BBX: variants seen among roughly 807,000 people sequenced by gnomAD.
BBX encodes HMG box transcription factor BBX.
BBX carries 30 observed loss-of-function variants against 100.2 expected under a neutral mutation model. That is an observed-to-expected ratio of 0.30 (90% CI 0.22 to 0.41). The LOEUF is 0.41. Among genes scored for constraint, BBX ranks in the 10% least tolerant of loss-of-function variants. The pLI is 1.00. For synonymous variants in BBX, 376 were observed against 388.1 expected, an observed-to-expected ratio of 0.97 and a Z score of 0.37; for missense variants, 1,023 against 1,129.8, an observed-to-expected ratio of 0.91 and a Z score of 1.35.
chr3:107,733,058 TAC>T (rs1281372621), intron 7 of BBX, 35 bp downstream of exon 7: 1 of 1,589,470 alleles, frequency 6.3e-7, no homozygotes, highest in Non-Finnish European at 8.6e-7. Context: ...ACTCTGCTCA[TAC>T]TGTGGGTTGG....
At chr3:107,542,357 T>C (rs557243490) in intron 2 of BBX, among the ~76,000 whole-genome samples, 1 of 152,340 alleles carries the variant, frequency 6.6e-6, no homozygotes, top group South Asian at 2.1e-4. Flanking sequence ...TTTCATAATT[T>C]GTATTTGAGT....
At chr3:107,663,966 C>T (rs1255602834) in intron 3 of BBX, among the ~76,000 whole-genome samples, 5 of 151,930 alleles carry the variant, frequency 3.3e-5, no homozygotes, top group African/African-American at 1.2e-4. Flanking sequence ...CCACTGTGCC[C>T]AGCTAATTTT....
At chr3:107,800,769 A>G (rs1335717958) in intron 16 of BBX, among the ~76,000 whole-genome samples, 3 of 152,222 alleles carry the variant, frequency 2.0e-5, no homozygotes, top group African/African-American at 4.8e-5. Context: ...GCCCCTCTAC[A>G]GAAGTCCCTT....
At chr3:107,746,463 T>G (rs903522255) in intron 8 of BBX, among the ~76,000 whole-genome samples, 2 of 152,208 alleles carry the variant, frequency 1.3e-5, no homozygotes, top group African/African-American at 4.8e-5. Flanking sequence ...ATGGTTTATT[T>G]CTACCTAGTT....
intron 3 of BBX, among the ~76,000 whole-genome samples, chr3:107,699,181 G>A (rs1241576200): frequency 6.6e-6 from 1 of 151,776 alleles, no homozygotes; most frequent in Non-Finnish European, 1.5e-5. Context: ...GTAGGGTGCT[G>A]TGGAGACACC....
intron 3 of BBX, among the ~76,000 whole-genome samples, chr3:107,672,880 T>A (rs984671239): frequency 7.9e-5 from 12 of 152,038 alleles, no homozygotes; most frequent in Admixed American, 3.3e-4. Context: ...TAAATAAACT[T>A]TTGTTGGCTT....
rs751773383 is a variant in BBX at position 107,801,242 on chromosome 3, C to T, written c.2699C>T (p.Ala900Val). ...MPAVSAFFSLAALAEVAAMEN... is the reference protein window; with the variant it reads ...MPAVSAFFSLVALAEVAAMEN... ...GCCGTGTCTGCGTTCTTTAGCCTCGCTGCGCTGGCTGAAGTGGCAGCCATG... is the reference window on the plus strand; with the variant it reads ...GCCGTGTCTGCGTTCTTTAGCCTCGTTGCGCTGGCTGAAGTGGCAGCCATG... The change falls in exon 17 of 18, where the codon GCT (alanine) becomes GTT (valine). Residue 900 changes from alanine to valine, a missense_variant. By Grantham distance (64) the Ala-to-Val change is moderately conservative (BLOSUM62 0). Around this residue, in one of 9 missense-constraint regions of BBX, gnomAD observed 104 missense variants for 132.2 expected, o/e 0.79. Transcript: ENST00000325805. 1 of 1,614,170 alleles carries T rather than the reference C, an allele frequency of 6.2e-7. No homozygotes were observed. Among genetic ancestry groups the T allele is most frequent in the Non-Finnish European group, 8.5e-7 (1 of 1,180,026 alleles).
At chr3:107,707,738 A>G (rs1425719407) in intron 3 of BBX, among the ~76,000 whole-genome samples, 6 of 152,220 alleles carry the variant, frequency 3.9e-5, no homozygotes, top group Non-Finnish European at 8.8e-5. Flanking sequence ...TTGAACCCAG[A>G]AAGAAGCCAC....
intron 2 of BBX, among the ~76,000 whole-genome samples, chr3:107,596,313 G>A: frequency 6.6e-6 from 1 of 152,140 alleles, no homozygotes; most frequent in Non-Finnish European, 1.5e-5. Context: ...AGTGATAGGA[G>A]GAGCCTGACC....
chr3:107,716,829 T>C lies in BBX; in HGVS notation c.385T>C (p.Tyr129His). The change falls in exon 5 of 18, where the codon TAC (tyrosine) becomes CAC (histidine). Residue 129 changes from tyrosine to histidine, a missense_variant. Tyr to His is a moderately conservative substitution (Grantham distance 83). Transcript: ENST00000325805. ...TCTTGATCCAAAGGAAAAGCAGAAA[T>C]ACACAGACATGGCCAAGGAGGTAGG... ...AVLDPKEKQK[Y>H]TDMAKEYKDA... 6.2e-7 allele frequency: 1 copy of C among 1,613,464 alleles called. No individual in the cohort carries two copies. The highest frequency in any genetic ancestry group is 1.1e-5 in the South Asian group (1 of 91,056).
At chr3:107,698,145 A>T (rs1443157987) in intron 3 of BBX, among the ~76,000 whole-genome samples, 1 of 151,838 alleles carries the variant, frequency 6.6e-6, no homozygotes. Flanking sequence ...AAATGCAGAA[A>T]TCACCCGTCT....
chr3:107,725,508 C>A (rs965935741), intron 5 of BBX, among the ~76,000 whole-genome samples: 1 of 152,062 alleles, frequency 6.6e-6, no homozygotes, highest in African/African-American at 2.4e-5. Context: ...GGAATGCTTC[C>A]AGTTTTTTGT....
intron 3 of BBX, among the ~76,000 whole-genome samples, chr3:107,682,357 C>A (rs1204388534): frequency 1.3e-5 from 2 of 152,098 alleles, no homozygotes; most frequent in African/African-American, 4.8e-5. Context: ...AGAATTTGTT[C>A]TTTGTAGTAG....
chr3:107,699,826 C>T (rs989678737), intron 3 of BBX, among the ~76,000 whole-genome samples: 4 of 151,984 alleles, frequency 2.6e-5, no homozygotes, highest in East Asian at 1.9e-4. Context: ...GATATTTTCT[C>T]GAGAGGATAG....
chr3:107,803,937 A>C (rs1576899498), intron 17 of BBX, among the ~76,000 whole-genome samples: 1 of 117,228 alleles, frequency 8.5e-6, no homozygotes, highest in African/African-American at 3.2e-5. Context: ...TTTACATTGC[A>C]CTTTTCATCT....
At chr3:107,630,805 C>G (rs1243075128) in intron 2 of BBX, among the ~76,000 whole-genome samples, 1 of 152,062 alleles carries the variant, frequency 6.6e-6, no homozygotes, top group African/African-American at 2.4e-5. Context: ...AGGTTTAGAC[C>G]AACTCCTAGA....
intron 3 of BBX, among the ~76,000 whole-genome samples, chr3:107,703,130 A>C (rs1020443183): frequency 6.6e-6 from 1 of 152,242 alleles, no homozygotes; most frequent in African/African-American, 2.4e-5. Flanking sequence ...TAATAAGTGC[A>C]TATAATAAAA....
intron 2 of BBX, among the ~76,000 whole-genome samples, chr3:107,536,544 C>T (rs1050394971): frequency 1.3e-5 from 2 of 151,998 alleles, no homozygotes; most frequent in Non-Finnish European, 2.9e-5. Flanking sequence ...TGTTTCATTC[C>T]CCACCTCCAA....
Position 107,701,127 on chromosome 3 carries a change from A to G in BBX, c.-9-9325A>G, listed in dbSNP as rs552377766. ...GTTGTTTCCTGACTTTTTAATGATC[A>G]CCATTCTAACTGGTGTGAGATGGTA... On this transcript the variant is annotated intron_variant, in intron 3 of 17. Transcript: ENST00000325805. 8.5e-3 allele frequency among the ~76,000 whole-genome samples: 1,286 copies of G among 151,616 alleles called. 10 individuals are homozygous for G. The highest frequency in any genetic ancestry group is 0.029 in the African/African-American group (1,203 of 41,012).
Sources: allele counts gnomAD v4.1 joint callset (sites outside exome capture counted in the v4.1 genomes callset), GRCh38; gene constraint gnomAD v4.1.1; regional missense constraint gnomAD v4.1.1; transcripts MANE v1.5; gene names NCBI Gene and HGNC (gene_info 2026-07-23, HGNC 2026-07-21).